The following COG5 variants were observed in gnomAD, a reference collection of about 807,000 sequenced individuals.
COG5 encodes the protein component of oligomeric golgi complex 5.
In COG5, 86 loss-of-function variants were observed where a neutral mutation model predicts 110.4. The ratio of observed to expected loss-of-function variants is 0.78; its 90% CI spans 0.65 to 0.93. COG5 has a LOEUF of 0.93. COG5 is among the 40% of genes least tolerant of loss of function. The probability of loss-of-function intolerance (pLI) is 0.00; values close to 1 mark genes in which losing one functional copy is unlikely to be tolerated. For synonymous variants in COG5, 360 were observed against 334.6 expected (o/e 1.08, Z -0.83); for missense variants, 1,077 against 987.0 (o/e 1.09, Z -1.22).
intron 6 of COG5, among the ~76,000 whole-genome samples, chr7:107,449,134 A>G (rs1272588269): frequency 1.3e-5 from 2 of 152,134 alleles, no homozygotes; most frequent in East Asian, 3.9e-4. Flanking sequence ...ATAAGAACAC[A>G]TGGACACAGG....
Position 107,434,969 on chromosome 7 carries a change from T to TA in COG5, c.539-22338dup, listed in dbSNP as rs1240287746. 9.3e-3 allele frequency among the ~76,000 whole-genome samples: 1,273 copies of TA among 136,604 alleles called. 17 individuals carry two copies. Among genetic ancestry groups the TA allele is most frequent in the East Asian group, 0.038 (182 of 4,822 alleles). The allele number at this position is 136,604 out of a possible 152,430, so 89.6% of individuals were successfully genotyped here. ...TGGACGACAGAGCGAGACTCCGTCT[T>TA]AAAAAAAAAAAAAAAGAACAAAATC... On this transcript the variant is annotated intron_variant, in intron 6 of 21. Coordinates refer to ENST00000297135, the MANE Select transcript of COG5 (RefSeq NM_006348.5).
At position 107,533,934 on chromosome 7, in the gene COG5, C is replaced by T. The variant is rs1225838777; in HGVS notation, c.418-6577G>A. Among the ~76,000 whole-genome samples, 2 of 151,606 alleles carry T rather than the reference C, an allele frequency of 1.3e-5. 1 individual carries two copies. The highest frequency in any genetic ancestry group is 4.9e-5 in the African/African-American group (2 of 40,920). ...CCCAAGAGAAAGGTCAGGTTACCCA[C>T]AAAGGGAAGCCCATCAGACTAACAG... On this transcript the variant is annotated intron_variant, in intron 5 of 21. Transcript: ENST00000297135.
At chr7:107,375,844 C>A (rs1333428964) in intron 7 of COG5, among the ~76,000 whole-genome samples, 2 of 151,946 alleles carry the variant, frequency 1.3e-5, no homozygotes, top group East Asian at 3.8e-4. Flanking sequence ...TAATCTTACT[C>A]TCTACGGTTT....
intron 6 of COG5, among the ~76,000 whole-genome samples, chr7:107,454,567 T>C (rs1366679800): frequency 6.6e-6 from 1 of 152,234 alleles, no homozygotes; most frequent in Non-Finnish European, 1.5e-5. Context: ...AGTATAAGGA[T>C]GATCCTGAAG....
intron 10 of COG5, among the ~76,000 whole-genome samples, chr7:107,360,953 C>T (rs987974923): frequency 8.5e-5 from 13 of 152,162 alleles, no homozygotes; most frequent in Non-Finnish European, 1.5e-4. Context: ...TTCTGGCTGG[C>T]GAAGTGACAC....
At chr7:107,475,703 A>G in intron 6 of COG5, 1 of 182,904 alleles carries the variant, frequency 5.5e-6, no homozygotes, top group Non-Finnish European at 1.3e-5. Context: ...TCCTTGCTTT[A>G]TTTTTTAAGT....
chr7:107,356,863 A>G (rs989024527), intron 10 of COG5, among the ~76,000 whole-genome samples: 4 of 152,192 alleles, frequency 2.6e-5, no homozygotes, highest in African/African-American at 9.6e-5. Flanking sequence ...AGAATTTTCA[A>G]TATCAGGATA....
At chr7:107,539,256 T>C (rs945955344) in intron 5 of COG5, among the ~76,000 whole-genome samples, 1 of 152,164 alleles carries the variant, frequency 6.6e-6, no homozygotes, top group Non-Finnish European at 1.5e-5. Flanking sequence ...CAACGTATAA[T>C]GAAACCCAGT....
chr7:107,264,671 C>T (rs1041079139), intron 14 of COG5, among the ~76,000 whole-genome samples: 4 of 151,902 alleles, frequency 2.6e-5, no homozygotes, highest in Admixed American at 6.6e-5. Context: ...CCAGCCCGAG[C>T]GACAGATCCA....
intron 7 of COG5, 121 bp downstream of exon 7, chr7:107,412,381 G>A: frequency 3.5e-6 from 3 of 866,754 alleles, no homozygotes; most frequent in Non-Finnish European, 5.5e-6. Flanking sequence ...TTAAATTGTA[G>A]ACATACTTTC....
chr7:107,288,951 T>C (rs1432926789), intron 12 of COG5, among the ~76,000 whole-genome samples: 1 of 113,422 alleles, frequency 8.8e-6, no homozygotes, highest in African/African-American at 3.5e-5. Flanking sequence ...TATATATATA[T>C]ATATATATAT....
intron 17 of COG5, among the ~76,000 whole-genome samples, chr7:107,243,309 C>T (rs1362689238): frequency 2.0e-5 from 3 of 151,782 alleles, no homozygotes; most frequent in African/African-American, 7.3e-5. Flanking sequence ...GTCAGAAGAT[C>T]GAGACCCTCC....
intron 7 of COG5, among the ~76,000 whole-genome samples, chr7:107,397,837 A>G (rs1791125218): frequency 6.6e-6 from 1 of 152,170 alleles, no homozygotes; most frequent in Non-Finnish European, 1.5e-5. Context: ...CGTTGATATT[A>G]AAACCATTAT....
chr7:107,502,049 C>T (rs940291620), intron 6 of COG5, among the ~76,000 whole-genome samples: 5 of 151,982 alleles, frequency 3.3e-5, no homozygotes, highest in African/African-American at 1.2e-4. Context: ...TTTTGGAGTA[C>T]AAGTGGTTGT....
chr7:107,335,616 T>C (rs1231226151), intron 10 of COG5, among the ~76,000 whole-genome samples: 1 of 152,204 alleles, frequency 6.6e-6, no homozygotes, highest in Admixed American at 6.5e-5. Flanking sequence ...TTCTTACTTA[T>C]TAGTAATAAC....
chr7:107,414,388 T>A (rs1284909862), intron 6 of COG5, among the ~76,000 whole-genome samples: 2 of 152,096 alleles, frequency 1.3e-5, no homozygotes, highest in African/African-American at 4.8e-5. Context: ...GTATTTATCA[T>A]CTCCTTAGGA....
Position 107,209,667 on chromosome 7 carries a change from A to C in COG5, c.2375+859T>G, listed in dbSNP as rs568008857. The C allele has an allele frequency of 2.4e-5, 7 of 290,778 alleles. No individual in the cohort carries two copies. In the South Asian group the frequency reaches 7.9e-4, roughly 33 times the overall value. 18.0% of individuals were successfully genotyped at this position (290,778 alleles called of 1,614,324 possible). On this transcript the variant is annotated intron_variant, in intron 21 of 21. Coordinates refer to ENST00000297135, the MANE Select transcript of COG5 (RefSeq NM_006348.5). ...AAAATGGCCAGAGAAGTTAGAACAG[A>C]AACAGATGGCTGTGGTGTAATGCAA...
chr7:107,534,423 T>G (rs1011190318), intron 5 of COG5, among the ~76,000 whole-genome samples: 2 of 151,108 alleles, frequency 1.3e-5, no homozygotes, highest in African/African-American at 4.9e-5. Context: ...GAGATCCATC[T>G]CATGTGTAAA....
chr7:107,240,890 C>A (rs796872745), intron 17 of COG5, among the ~76,000 whole-genome samples: 1 of 152,192 alleles, frequency 6.6e-6, no homozygotes, highest in African/African-American at 2.4e-5. Flanking sequence ...TCACTGGAAT[C>A]TCAACTGACT....
Sources: gnomAD v4.1 joint callset for allele counts (sites outside exome capture counted in the v4.1 genomes callset) on GRCh38, gnomAD v4.1.1 for gene constraint, MANE v1.5 for transcripts, NCBI Gene and HGNC (gene_info 2026-07-23, HGNC 2026-07-21) for gene names.